The following PRLR variants were observed in gnomAD, a reference collection of about 807,000 sequenced individuals.
PRLR encodes the protein prolactin receptor, also known as hPRL receptor.
Under a neutral mutation model 40.2 loss-of-function variants are expected in PRLR, and 13 were observed. That is an observed-to-expected ratio of 0.32 (90% CI 0.21 to 0.51). The LOEUF is 0.51. PRLR is among the 20% of genes least tolerant of loss of function. The pLI, the probability that PRLR is intolerant of heterozygous loss-of-function variation, is 0.97. For missense variants in PRLR, 656 were observed against 747.3 expected, an observed-to-expected ratio of 0.88 and a Z score of 1.42; for synonymous variants, 269 against 278.7, an observed-to-expected ratio of 0.97 and a Z score of 0.35.
chr5:35,146,387 G>T (rs1000101683), intron 1 of PRLR, among the ~76,000 whole-genome samples: 2 of 152,146 alleles, frequency 1.3e-5, no homozygotes, highest in Non-Finnish European at 2.9e-5. Context: ...TCCTTGTAAT[G>T]TGTGCATCGT....
At chr5:35,082,453 A>AT (rs1770582154) in intron 5 of PRLR, among the ~76,000 whole-genome samples, 2 of 152,098 alleles carry the variant, frequency 1.3e-5, no homozygotes. Context: ...TTGGAGGGGG[A>AT]TGTCCTATGC....
chr5:35,126,593 G>A (rs867782595), intron 1 of PRLR, among the ~76,000 whole-genome samples: 5 of 152,074 alleles, frequency 3.3e-5, no homozygotes, highest in South Asian at 2.1e-4. Flanking sequence ...ATTCTGAATC[G>A]GACCAAAAGG....
At chr5:35,120,529 T>C (rs981904749) in intron 1 of PRLR, among the ~76,000 whole-genome samples, 1 of 152,006 alleles carries the variant, frequency 6.6e-6, no homozygotes, top group Non-Finnish European at 1.5e-5. Flanking sequence ...TGGGGTGGGG[T>C]CCCAACATGA....
rs1769172123 is a variant in PRLR, at chr5:35,063,587, T to C, written c.*1502A>G. 1 of 152,180 alleles carries C rather than the reference T, an allele frequency of 6.6e-6. No homozygotes were observed. Among genetic ancestry groups the C allele is most frequent in the African/African-American group, 2.4e-5 (1 of 41,436 alleles). The allele number at this position is 152,180 out of a possible 1,614,324, so 9.4% of individuals were successfully genotyped here. ...ATTGCTCTGGGAAGCAAATACCTAG[T>C]TTCCCAGAACTTTTATTTGGACACT... is the stretch of plus-strand genomic sequence containing the variant. On this transcript the variant is annotated 3_prime_UTR_variant, in exon 10 of 10. Coordinates refer to ENST00000618457, the MANE Select transcript of PRLR (RefSeq NM_000949.7).
intron 2 of PRLR, among the ~76,000 whole-genome samples, chr5:35,115,023 T>C (rs1298602345): frequency 6.6e-6 from 1 of 152,218 alleles, no homozygotes; most frequent in East Asian, 1.9e-4. Flanking sequence ...GACATGGTAT[T>C]CAGTAGAACT....
At chr5:35,126,358 T>A (rs560150757) in intron 1 of PRLR, among the ~76,000 whole-genome samples, 1 of 152,338 alleles carries the variant, frequency 6.6e-6, no homozygotes, top group South Asian at 2.1e-4. Context: ...GCTTTGAGAT[T>A]CTTTAAGGCC....
rs1263353435 is a variant in PRLR, at chr5:35,059,480, T to C, written c.*5609A>G. 3 of 152,182 alleles carry C rather than the reference T, an allele frequency of 2.0e-5. No homozygotes were observed. The highest frequency in any genetic ancestry group is 7.2e-5 in the African/African-American group (3 of 41,448). The allele number at this position is 152,182 out of a possible 1,614,324, so 9.4% of individuals were successfully genotyped here. A position where few individuals can be genotyped will look rare whatever the true frequency, so the allele number is the denominator to read the frequency against. On this transcript the variant is annotated 3_prime_UTR_variant, in exon 10 of 10. Coordinates refer to ENST00000618457, the MANE Select transcript of PRLR (RefSeq NM_000949.7). The stretch of plus-strand genomic sequence containing the variant: ...CTCTTAGACATAAACTCATAAAATC[T>C]GTTCAGAACACTGAACAGATTTAGA...
At chr5:35,193,400 C>A (rs1446453639) in intron 1 of PRLR, among the ~76,000 whole-genome samples, 1 of 152,180 alleles carries the variant, frequency 6.6e-6, no homozygotes, top group East Asian at 1.9e-4. Context: ...CAAAGCAAAG[C>A]ACTCTATCAT....
chr5:35,092,578 C>G (rs1163762154), intron 2 of PRLR, among the ~76,000 whole-genome samples: 1 of 152,156 alleles, frequency 6.6e-6, no homozygotes, highest in African/African-American at 2.4e-5. Flanking sequence ...TGAGTCCACC[C>G]TGCATTGCAC....
intron 1 of PRLR, among the ~76,000 whole-genome samples, chr5:35,166,967 C>T (rs1217820189): frequency 6.6e-6 from 1 of 152,030 alleles, no homozygotes; most frequent in Non-Finnish European, 1.5e-5. Context: ...TTTGTATATG[C>T]TAGAGTCTTA....
chr5:35,095,531 C>T (rs749208983), intron 2 of PRLR, among the ~76,000 whole-genome samples: 1 of 152,154 alleles, frequency 6.6e-6, no homozygotes, highest in Non-Finnish European at 1.5e-5. Context: ...GAACCCTGGC[C>T]TGCAGGTGGG....
At chr5:35,200,768 C>T (rs1166565735) in intron 1 of PRLR, among the ~76,000 whole-genome samples, 1 of 152,168 alleles carries the variant, frequency 6.6e-6, no homozygotes, top group Non-Finnish European at 1.5e-5. Context: ...CTGACTGAAT[C>T]TTCCCCTGTA....
Position 35,065,456 on chromosome 5 carries a change from A to G in PRLR, c.1502T>C (p.Phe501Ser). Residue 501 changes from phenylalanine to serine, a missense_variant, in exon 10 of 10, where the codon TTT becomes TCT. By Grantham distance (155) the Phe-to-Ser change is radical. Around this residue, in one of 3 missense-constraint regions of PRLR, gnomAD observed 469 missense variants for 491.5 expected, o/e 0.95. Coordinates refer to ENST00000618457, the MANE Select transcript of PRLR (RefSeq NM_000949.7). ...ATAATCCAAGGGTTTAGCGGAGCCA[A>G]AGGGGGTTTTCTCCTGGGGCAGCAG... ...PWLLPQEKTP[F>S]GSAKPLDYVE... is the part of the protein sequence containing the mutation. 1 of 1,614,110 alleles carries G rather than the reference A, an allele frequency of 6.2e-7. No individual in the cohort carries two copies. Among genetic ancestry groups the G allele is most frequent in the Non-Finnish European group, 8.5e-7 (1 of 1,180,012 alleles).
intron 1 of PRLR, among the ~76,000 whole-genome samples, chr5:35,156,140 C>A (rs59632058): frequency 0.056 from 7,529 of 133,918 alleles, 792 homozygotes; most frequent in African/African-American, 0.2. Context: ...AAAAAAAAAA[C>A]AAAAAAAAAA....
intron 2 of PRLR, among the ~76,000 whole-genome samples, chr5:35,104,324 T>A (rs909540219): frequency 2.1e-4 from 32 of 151,978 alleles, no homozygotes; most frequent in Non-Finnish European, 4.3e-4. Context: ...AGAAGACGGG[T>A]GATTTCTGCA....
At chr5:35,081,824 G>T in intron 5 of PRLR, 1 of 153,876 alleles carries the variant, frequency 6.5e-6, no homozygotes, top group South Asian at 1.9e-4. Flanking sequence ...CCCCTCCTGG[G>T]CTACACTAAG....
intron 2 of PRLR, among the ~76,000 whole-genome samples, chr5:35,115,919 A>G (rs760397854): frequency 7.9e-5 from 12 of 152,140 alleles, no homozygotes; most frequent in Non-Finnish European, 1.3e-4. Flanking sequence ...CCCTCTTTTA[A>G]GGAGGGTCCC....
At chr5:35,084,081 G>A (rs1770695882) in intron 5 of PRLR, among the ~76,000 whole-genome samples, 1 of 152,092 alleles carries the variant, frequency 6.6e-6, no homozygotes, top group South Asian at 2.1e-4. Flanking sequence ...ACCCTTCTAA[G>A]AACTTCTTCT....
chr5:35,221,050 T>G (rs1776404229), intron 1 of PRLR, among the ~76,000 whole-genome samples: 1 of 152,230 alleles, frequency 6.6e-6, no homozygotes, highest in Admixed American at 6.5e-5. Flanking sequence ...ACTCTGATAC[T>G]AAGTAGCTTC....
Sources: gnomAD v4.1 joint callset for allele counts (sites outside exome capture counted in the v4.1 genomes callset) on GRCh38, gnomAD v4.1.1 for gene constraint, gnomAD v4.1.1 regional missense constraint, MANE v1.5 for transcripts, NCBI Gene and HGNC (gene_info 2026-07-23, HGNC 2026-07-21) for gene names.